RPS6KA5: variants seen among roughly 807,000 people sequenced by gnomAD.
RPS6KA5 encodes ribosomal protein S6 kinase A5.
RPS6KA5 carries 27 observed loss-of-function variants against 85.5 expected under a neutral mutation model. That is an observed-to-expected ratio of 0.32 (90% CI 0.23 to 0.44). The LOEUF is 0.44. Ranked by LOEUF, RPS6KA5 falls within the 20% of genes least tolerant of loss-of-function variation. The pLI is 1.00. For synonymous variants in RPS6KA5, 334 were observed against 348.2 expected (o/e 0.96, Z 0.46); for missense variants, 811 against 980.9 (o/e 0.83, Z 2.31).
chr14:91,056,237 C>G (rs1006873635), intron 1 of RPS6KA5, among the ~76,000 whole-genome samples: 2 of 152,172 alleles, frequency 1.3e-5, no homozygotes, highest in South Asian at 4.1e-4. Flanking sequence ...AAGTAAATGT[C>G]TTCCCAGCAA....
intron 5 of RPS6KA5, 168 bp from the exon 6 acceptor site, chr14:90,923,364 A>G: frequency 3.3e-6 from 2 of 604,780 alleles, no homozygotes; most frequent in East Asian, 2.8e-5. Context: ...TCTACATAAT[A>G]TGAGTCCTGG....
chr14:90,923,135 C>A lies in RPS6KA5; in HGVS notation c.680G>T (p.Gly227Val). The change falls in exon 6 of 17, where the codon GGG (glycine) becomes GTG (valine). Residue 227 changes from glycine to valine, a missense_variant. Around this residue, in one of 3 missense-constraint regions of RPS6KA5, gnomAD observed 650 missense variants for 793.4 expected, o/e 0.82. Transcript: ENST00000614987. ...IEYMAPDIVR[G>V]GDSGHDKAVD... ...TACCTTGTCATGTCCTGAATCTCCC[C>A]CTCTGACAATATCTGGTGCCATGTA... The A allele has an allele frequency of 6.2e-7, 1 of 1,612,028 alleles. No homozygotes were observed. The highest frequency in any genetic ancestry group is 8.5e-7 in the Non-Finnish European group (1 of 1,178,588).
At position 90,861,521 on chromosome 14, in the gene RPS6KA5, C is replaced by CA. The variant is rs34479269; in HGVS notation, c.*10552dup. The CA allele has an allele frequency of 0.22, 26,272 of 120,786 alleles. 2,667 individuals are homozygous for CA. The highest frequency in any genetic ancestry group is 0.3 in the Middle Eastern group (66 of 222). 7.5% of individuals were successfully genotyped at this position (120,786 alleles called of 1,614,324 possible). ...TGGGCGACAGAGCGAGACTCTGTCTCAAAAAAAAAAAAATAATGTCTTATG... is the reference window on the plus strand; with the variant it reads ...TGGGCGACAGAGCGAGACTCTGTCTCAAAAAAAAAAAAAATAATGTCTTATG... On this transcript the variant is annotated 3_prime_UTR_variant, in exon 17 of 17. Coordinates refer to ENST00000614987, the MANE Select transcript of RPS6KA5 (RefSeq NM_004755.4).
intron 2 of RPS6KA5, among the ~76,000 whole-genome samples, chr14:90,980,521 G>A (rs141158201): frequency 6.6e-6 from 1 of 152,310 alleles, no homozygotes; most frequent in East Asian, 1.9e-4. Context: ...TAACATCTGA[G>A]TACTTGTCAG....
intron 3 of RPS6KA5, among the ~76,000 whole-genome samples, chr14:90,964,245 T>C (rs1025451078): frequency 6.6e-6 from 1 of 152,186 alleles, no homozygotes; most frequent in East Asian, 1.9e-4. Context: ...CTCCTGCACA[T>C]ACCGGCTATG....
At chr14:91,053,417 A>G (rs931452108) in intron 1 of RPS6KA5, among the ~76,000 whole-genome samples, 27 of 152,316 alleles carry the variant, frequency 1.8e-4, no homozygotes, top group Middle Eastern at 3.4e-3. Flanking sequence ...AAGTAAAATT[A>G]TCTCTATCCA....
chr14:90,880,406 G>C (rs1320607130), intron 14 of RPS6KA5, among the ~76,000 whole-genome samples: 3 of 152,042 alleles, frequency 2.0e-5, no homozygotes, highest in Non-Finnish European at 4.4e-5. Context: ...TCCTTCTTTA[G>C]CATAATATCC....
At chr14:91,027,234 T>C (rs886587808) in intron 1 of RPS6KA5, among the ~76,000 whole-genome samples, 1 of 152,234 alleles carries the variant, frequency 6.6e-6, no homozygotes, top group Admixed American at 6.5e-5. Context: ...ATTTTTATAG[T>C]TTGAGGTCTT....
chr14:90,936,244 G>T (rs1177629140), intron 5 of RPS6KA5, among the ~76,000 whole-genome samples: 1 of 152,148 alleles, frequency 6.6e-6, no homozygotes, highest in African/African-American at 2.4e-5. Flanking sequence ...TAACCTGTAT[G>T]TAGTCTAGGC....
intron 3 of RPS6KA5, among the ~76,000 whole-genome samples, chr14:90,955,885 G>A (rs752493578): frequency 9.2e-5 from 14 of 151,936 alleles, no homozygotes; most frequent in Non-Finnish European, 1.3e-4. Flanking sequence ...TTGGATCTAT[G>A]TTGTTAGGTA....
At chr14:90,963,097 C>T (rs1336329653) in intron 3 of RPS6KA5, among the ~76,000 whole-genome samples, 1 of 152,212 alleles carries the variant, frequency 6.6e-6, no homozygotes, top group Non-Finnish European at 1.5e-5. Flanking sequence ...TTAGAAATCA[C>T]ATCTCTTTAG....
chr14:90,919,713 C>A, intron 7 of RPS6KA5, among the ~76,000 whole-genome samples: 1 of 152,228 alleles, frequency 6.6e-6, no homozygotes. Flanking sequence ...AACACTGCAA[C>A]TGTGATAGCT....
At position 90,860,659 on chromosome 14, in the gene RPS6KA5, T is replaced by C. The variant is rs1366600701; in HGVS notation, c.*11415A>G. 1.3e-5 allele frequency: 2 copies of C among 152,134 alleles called. No homozygotes were observed. The highest frequency in any genetic ancestry group is 2.1e-4 in the South Asian group (1 of 4,830). The allele number at this position is 152,134 out of a possible 1,614,324, so 9.4% of individuals were successfully genotyped here. On this transcript the variant is annotated 3_prime_UTR_variant, in exon 17 of 17. Coordinates refer to ENST00000614987, the MANE Select transcript of RPS6KA5 (RefSeq NM_004755.4). ...TTAGATGGGTATATTACATGATACA[T>C]GAATTTTATCTTAAAAAAATAAAAA... is the stretch of plus-strand genomic sequence containing the variant.
Position 90,851,863 on chromosome 14 carries a change from A to G in RPS6KA5, c.*20211T>C, listed in dbSNP as rs2032009562. ...CTTTATCTTTCATGGCTCAGTTCTC[A>G]CAAGAGGCTCACTGTACAAGGTCCA... On this transcript the variant is annotated 3_prime_UTR_variant, in exon 17 of 17. Transcript: ENST00000614987. 2 of 152,186 alleles carry G rather than the reference A, an allele frequency of 1.3e-5. No homozygotes were observed. Among genetic ancestry groups the G allele is most frequent in the Admixed American group, 1.3e-4 (2 of 15,278 alleles). 9.4% of individuals were successfully genotyped at this position (152,186 alleles called of 1,614,324 possible).
chr14:91,016,635 T>C (rs1201220542), intron 1 of RPS6KA5, among the ~76,000 whole-genome samples: 2 of 152,078 alleles, frequency 1.3e-5, no homozygotes, highest in Non-Finnish European at 2.9e-5. Context: ...GCAGACTCCC[T>C]CGATAAAGTG....
intron 13 of RPS6KA5, 149 bp downstream of exon 13, chr14:90,894,264 A>C: frequency 7.9e-7 from 1 of 1,262,190 alleles, no homozygotes; most frequent in Non-Finnish European, 1.0e-6. Flanking sequence ...AAAAGAAAAA[A>C]CATCAAAGAA....
chr14:91,056,457 G>A (rs1047500080), intron 1 of RPS6KA5, among the ~76,000 whole-genome samples: 7 of 152,170 alleles, frequency 4.6e-5, no homozygotes, highest in African/African-American at 7.2e-5. Flanking sequence ...GGAAGCTGTA[G>A]GATGTAAAAC....
In RPS6KA5 at chr14:90,869,902, A is replaced by C. The variant is rs531884866; in HGVS notation, c.*2172T>G. 2.0e-5 allele frequency: 3 copies of C among 152,242 alleles called. No individual in the cohort carries two copies. The highest frequency in any genetic ancestry group is 6.5e-5 in the Admixed American group (1 of 15,282). 9.4% of individuals were successfully genotyped at this position (152,242 alleles called of 1,614,324 possible). ...CATTTGAGATTATTCAGGCAGGCTC[A>C]TCAGTTGACAGCTAGCCTATCTTTC... On this transcript the variant is annotated 3_prime_UTR_variant, in exon 17 of 17. Transcript: ENST00000614987.
chr14:90,938,524 C>T (rs990748081), intron 5 of RPS6KA5, among the ~76,000 whole-genome samples: 1 of 152,224 alleles, frequency 6.6e-6, no homozygotes, highest in Non-Finnish European at 1.5e-5. Flanking sequence ...AGAGGTTCTC[C>T]GTGAGGGCCC....
Sources: gnomAD v4.1 joint callset for allele counts (sites outside exome capture counted in the v4.1 genomes callset) on GRCh38, gnomAD v4.1.1 for gene constraint, gnomAD v4.1.1 regional missense constraint, MANE v1.5 for transcripts, NCBI Gene and HGNC (gene_info 2026-07-23, HGNC 2026-07-21) for gene names.